Variants in CPA6 observed in about 807,000 individuals in gnomAD.
CPA6 encodes the protein carboxypeptidase B.
CPA6 carries 58 observed loss-of-function variants against 63.3 expected under a neutral mutation model. The observed-to-expected ratio is 0.92, with a 90% CI of 0.74 to 1.14. The LOEUF (loss-of-function observed/expected upper bound fraction) is 1.14, where lower values mean the gene tolerates loss of function less well. Ranked by LOEUF, CPA6 falls within the 50% of genes most tolerant of loss-of-function variation. The probability of loss-of-function intolerance (pLI) is 0.00; values close to 1 mark genes in which losing one functional copy is unlikely to be tolerated. For missense variants in CPA6, 565 were observed against 526.6 expected, an observed-to-expected ratio of 1.07 and a Z score of -0.71; for synonymous variants, 185 against 179.0, an observed-to-expected ratio of 1.03 and a Z score of -0.27.
intron 6 of CPA6, among the ~76,000 whole-genome samples, chr8:67,504,828 TGGGGA>T (rs1284726063): frequency 6.6e-6 from 1 of 151,676 alleles, no homozygotes; most frequent in Non-Finnish European, 1.5e-5. Flanking sequence ...GAAAGAGGTG[TGGGGA>T]GGGTAGCAGA....
chr8:67,663,919 A>AG (rs559025939), intron 1 of CPA6, among the ~76,000 whole-genome samples: 1 of 152,202 alleles, frequency 6.6e-6, no homozygotes, highest in Non-Finnish European at 1.5e-5. Flanking sequence ...GTGGAAACAT[A>AG]GGTTACATGA....
At position 67,422,447 on chromosome 8, in the gene CPA6, G is replaced by A; in HGVS notation, c.*57C>T. The A allele has an allele frequency of 6.8e-7, 1 of 1,471,678 alleles. No individual in the cohort carries two copies. Among genetic ancestry groups the A allele is most frequent in the Non-Finnish European group, 9.3e-7 (1 of 1,070,690 alleles). The allele number at this position is 1,471,678 out of a possible 1,614,324, so 91.2% of individuals were successfully genotyped here. On this transcript the variant is annotated 3_prime_UTR_variant, in exon 11 of 11. Transcript: ENST00000297770. Reference sequence around the variant, plus strand: ...TCTCTTTGAAAACAATTTCTATCCAGGGCCAAGTAGGCCTTGCTCAGAATC... The same window carrying A: ...TCTCTTTGAAAACAATTTCTATCCAAGGCCAAGTAGGCCTTGCTCAGAATC...
chr8:67,567,884 G>A (rs997175732), intron 2 of CPA6, among the ~76,000 whole-genome samples: 2 of 152,172 alleles, frequency 1.3e-5, no homozygotes, highest in Non-Finnish European at 2.9e-5. Flanking sequence ...ACCTCACGGG[G>A]ACTGAGGAAC....
At chr8:67,676,670 A>C (rs1382737590) in intron 1 of CPA6, among the ~76,000 whole-genome samples, 2 of 152,218 alleles carry the variant, frequency 1.3e-5, no homozygotes, top group Non-Finnish European at 2.9e-5. Context: ...AGGCTTTTAC[A>C]TGCCTAGTGG....
At chr8:67,441,666 T>C (rs1313301061) in intron 8 of CPA6, among the ~76,000 whole-genome samples, 2 of 151,992 alleles carry the variant, frequency 1.3e-5, no homozygotes, top group Admixed American at 1.3e-4. Context: ...ACCAAGAAAA[T>C]TATTGTTTAG....
intron 2 of CPA6, among the ~76,000 whole-genome samples, chr8:67,616,820 C>T (rs559065025): frequency 2.4e-4 from 37 of 152,222 alleles, no homozygotes; most frequent in Non-Finnish European, 3.2e-4. Context: ...TCCTAGACAA[C>T]GAGAGACCCA....
At chr8:67,672,682 C>T (rs2128994586) in intron 1 of CPA6, among the ~76,000 whole-genome samples, 1 of 152,274 alleles carries the variant, frequency 6.6e-6, no homozygotes. Context: ...ATTTTGAAAA[C>T]AGTATAATTG....
chr8:67,488,676 T>A (rs184576536), intron 6 of CPA6, among the ~76,000 whole-genome samples: 9 of 152,390 alleles, frequency 5.9e-5, no homozygotes, highest in Admixed American at 3.3e-4. Flanking sequence ...TGATTCTTCC[T>A]ATCCATGAGC....
intron 2 of CPA6, among the ~76,000 whole-genome samples, chr8:67,612,282 C>T (rs1400679358): frequency 6.6e-6 from 1 of 152,176 alleles, no homozygotes; most frequent in Non-Finnish European, 1.5e-5. Flanking sequence ...AAGGTTGCTT[C>T]TTCCATATAT....
chr8:67,525,961 A>G (rs1462324519), intron 2 of CPA6, among the ~76,000 whole-genome samples: 1 of 152,184 alleles, frequency 6.6e-6, no homozygotes, highest in Non-Finnish European at 1.5e-5. Flanking sequence ...AAGCCCAGAT[A>G]TCACCACAAT....
In CPA6 at chr8:67,547,267, C is replaced by T. The variant is rs576590680; in HGVS notation, c.193-29220G>A. ...TTCACTGTGTTAGCCAGGATGGTCT[C>T]GATCTCCTGACCTGGTGATCCGCCC... On this transcript the variant is annotated intron_variant, in intron 2 of 10. Transcript: ENST00000297770. Among the ~76,000 whole-genome samples, 35 of 152,190 alleles carry T rather than the reference C, an allele frequency of 2.3e-4. No individual in the cohort carries two copies. In the East Asian group the frequency reaches 5.6e-3, roughly 24 times the overall value.
At chr8:67,558,838 A>C (rs1014018296) in intron 2 of CPA6, among the ~76,000 whole-genome samples, 1 of 152,232 alleles carries the variant, frequency 6.6e-6, no homozygotes, top group East Asian at 1.9e-4. Flanking sequence ...CATGAAACTG[A>C]GGGTACCCAT....
intron 2 of CPA6, among the ~76,000 whole-genome samples, chr8:67,596,830 C>T (rs374022247): frequency 1.3e-4 from 20 of 152,248 alleles, no homozygotes; most frequent in Admixed American, 2.6e-4. Context: ...ATGACCTTGA[C>T]ATTGTGGAAG....
chr8:67,621,476 T>C (rs1179503090), intron 2 of CPA6, among the ~76,000 whole-genome samples: 5 of 152,192 alleles, frequency 3.3e-5, no homozygotes, highest in Admixed American at 2.6e-4. Flanking sequence ...ATAAACTGAC[T>C]AGAGGCAAGA....
In CPA6 at chr8:67,660,322, G is replaced by GTTTTTTTT. The variant is rs869189030; in HGVS notation, c.117-36079_117-36072dup. On this transcript the variant is annotated intron_variant, in intron 1 of 10. Coordinates refer to ENST00000297770, the MANE Select transcript of CPA6 (RefSeq NM_020361.5). Reference sequence around the variant, plus strand: ...ACATGGTAAAAGTTAATTATTGCAGGTTTTTTTTTTTTTTTTTTTTTTTTT... The same window carrying GTTTTTTTT: ...ACATGGTAAAAGTTAATTATTGCAGGTTTTTTTTTTTTTTTTTTTTTTTTTTTTTTTTT... Among the ~76,000 whole-genome samples, 59 of 73,908 alleles carry GTTTTTTTT rather than the reference G, an allele frequency of 8.0e-4. 4 individuals are homozygous for GTTTTTTTT. The highest frequency in any genetic ancestry group is 1.7e-3 in the African/African-American group (27 of 15,784). 48.5% of individuals were successfully genotyped at this position (73,908 alleles called of 152,430 possible). A position where few individuals can be genotyped will look rare whatever the true frequency, so the allele number is the denominator to read the frequency against.
At chr8:67,442,338 G>A (rs977378032) in intron 8 of CPA6, among the ~76,000 whole-genome samples, 1 of 151,590 alleles carries the variant, frequency 6.6e-6, no homozygotes, top group Non-Finnish European at 1.5e-5. Context: ...GTAATATGAT[G>A]TAATATAATA....
intron 4 of CPA6, among the ~76,000 whole-genome samples, chr8:67,511,233 C>T (rs889826186): frequency 6.6e-6 from 1 of 152,108 alleles, no homozygotes; most frequent in African/African-American, 2.4e-5. Context: ...TTAGTGAAGG[C>T]CATTATAGCG....
At chr8:67,530,716 AT>A (rs1812459862) in intron 2 of CPA6, among the ~76,000 whole-genome samples, 2 of 152,178 alleles carry the variant, frequency 1.3e-5, no homozygotes, top group South Asian at 4.1e-4. Context: ...CAGGATCAAG[AT>A]TTGGGGCCCA....
At chr8:67,623,829 G>A (rs927945572) in intron 2 of CPA6, among the ~76,000 whole-genome samples, 3 of 152,034 alleles carry the variant, frequency 2.0e-5, no homozygotes, top group Non-Finnish European at 2.9e-5. Context: ...AGAGGCTGAG[G>A]TGGGTGGATC....
Sources: gnomAD v4.1 joint callset for allele counts (sites outside exome capture counted in the v4.1 genomes callset) on GRCh38, gnomAD v4.1.1 for gene constraint, MANE v1.5 for transcripts, NCBI Gene and HGNC (gene_info 2026-07-23, HGNC 2026-07-21) for gene names.